Variants in GABRG3 observed in about 807,000 individuals in gnomAD.
GABRG3 encodes the protein gamma-aminobutyric acid type A receptor subunit gamma3.
In GABRG3, 25 loss-of-function variants were observed where a neutral mutation model predicts 48.8. That is an observed-to-expected ratio of 0.51 (90% CI 0.37 to 0.72). GABRG3 has a LOEUF of 0.72. Among genes scored for constraint, GABRG3 ranks in the 30% least tolerant of loss-of-function variants. GABRG3 has a pLI of 0.00. For missense variants in GABRG3, 394 were observed against 577.9 expected (o/e 0.68, Z 3.26); for synonymous variants, 227 against 217.6 (o/e 1.04, Z -0.38).
chr15:27,389,754 C>T (rs1950603958), intron 5 of GABRG3, among the ~76,000 whole-genome samples: 2 of 152,200 alleles, frequency 1.3e-5, no homozygotes, highest in East Asian at 3.8e-4. Flanking sequence ...TGGTAAAATG[C>T]TTAACAAACC....
chr15:27,367,201 C>A (rs1264561996), intron 5 of GABRG3, among the ~76,000 whole-genome samples: 2 of 152,166 alleles, frequency 1.3e-5, no homozygotes, highest in African/African-American at 4.8e-5. Flanking sequence ...CCTCCCCCTA[C>A]AAGGACACCC....
chr15:27,510,423 C>T (rs554499562), intron 6 of GABRG3, among the ~76,000 whole-genome samples: 1 of 152,186 alleles, frequency 6.6e-6, no homozygotes, highest in African/African-American at 2.4e-5. Context: ...CACCATTCCC[C>T]TGTTGCACCA....
chr15:27,409,998 G>T (rs1424695650), intron 5 of GABRG3, among the ~76,000 whole-genome samples: 1 of 152,084 alleles, frequency 6.6e-6, no homozygotes, highest in Non-Finnish European at 1.5e-5. Context: ...TCTTTGCCTT[G>T]GTCCTGATAT....
At chr15:27,039,572 G>A (rs1896239329) in intron 3 of GABRG3, among the ~76,000 whole-genome samples, 2 of 152,210 alleles carry the variant, frequency 1.3e-5, no homozygotes, top group South Asian at 4.1e-4. Context: ...GTGTTATGAA[G>A]ACGCCACAAA....
At chr15:27,125,907 T>C (rs1897811668) in intron 3 of GABRG3, among the ~76,000 whole-genome samples, 1 of 152,240 alleles carries the variant, frequency 6.6e-6, no homozygotes, top group African/African-American at 2.4e-5. Context: ...TGCAGCCAAA[T>C]GCCTCTTAAT....
intron 3 of GABRG3, among the ~76,000 whole-genome samples, chr15:27,155,847 G>A (rs1023952118): frequency 1.8e-4 from 28 of 152,146 alleles, no homozygotes; most frequent in East Asian, 3.9e-4. Flanking sequence ...TGTCTCCCTC[G>A]TCAGCACTCT....
At chr15:27,399,463 A>G (rs1040592433) in intron 5 of GABRG3, among the ~76,000 whole-genome samples, 7 of 152,226 alleles carry the variant, frequency 4.6e-5, no homozygotes. Flanking sequence ...TTACATGGCA[A>G]CGGTTCCTTT....
chr15:27,427,256 C>T (rs1462066282), intron 5 of GABRG3, among the ~76,000 whole-genome samples: 2 of 152,118 alleles, frequency 1.3e-5, no homozygotes, highest in African/African-American at 2.4e-5. Context: ...TTTCTATATA[C>T]ACAATCTTAT....
At chr15:27,393,797 A>G (rs541179603) in intron 5 of GABRG3, among the ~76,000 whole-genome samples, 1 of 152,318 alleles carries the variant, frequency 6.6e-6, no homozygotes, top group South Asian at 2.1e-4. Context: ...TGCCTCTGGC[A>G]AGATGGAATA....
At chr15:27,224,134 G>T (rs1889537754) in intron 3 of GABRG3, among the ~76,000 whole-genome samples, 1 of 152,220 alleles carries the variant, frequency 6.6e-6, no homozygotes, top group Non-Finnish European at 1.5e-5. Flanking sequence ...AACTTCCCGG[G>T]CTGCTCCCTG....
At chr15:27,201,416 A>G (rs999324508) in intron 3 of GABRG3, among the ~76,000 whole-genome samples, 1 of 151,406 alleles carries the variant, frequency 6.6e-6, no homozygotes, top group Non-Finnish European at 1.5e-5. Context: ...GAGAAGAGAA[A>G]GAGAAGAAGA....
At chr15:27,255,473 C>CA (rs1248970142) in intron 3 of GABRG3, among the ~76,000 whole-genome samples, 1 of 152,194 alleles carries the variant, frequency 6.6e-6, no homozygotes, top group Non-Finnish European at 1.5e-5. Context: ...TACTCAGGGA[C>CA]AAAACGGAAC....
At chr15:27,456,939 C>A (rs1263481883) in intron 5 of GABRG3, among the ~76,000 whole-genome samples, 1 of 152,190 alleles carries the variant, frequency 6.6e-6, no homozygotes, top group African/African-American at 2.4e-5. Flanking sequence ...GGAGCCAGCC[C>A]CAAGGCACAG....
chr15:27,532,979 C>T lies in GABRG3; in HGVS notation c.*98C>T, dbSNP rs1891465442. The T allele has an allele frequency of 9.0e-7, 1 of 1,115,138 alleles. No homozygotes were observed. The highest frequency in any genetic ancestry group is 1.5e-5 in the South Asian group (1 of 64,892). The allele number at this position is 1,115,138 out of a possible 1,614,324, so 69.1% of individuals were successfully genotyped here. Reference sequence around the variant, plus strand: ...ACCAATCGGGAGTAGCAAGGAAGGACACTGCCCAGTGTATCTTGTTATAAA... The same window carrying T: ...ACCAATCGGGAGTAGCAAGGAAGGATACTGCCCAGTGTATCTTGTTATAAA... On this transcript the variant is annotated 3_prime_UTR_variant, in exon 10 of 10. Transcript: ENST00000615808.
Position 27,004,437 on chromosome 15 carries a change from G to C in GABRG3, c.203-22317G>C, listed in dbSNP as rs559836508. ...TCACTTCCTAGATGGGATGGCGGCC[G>C]GGCAGAGACGCTCCCCACTTTCCGG... On this transcript the variant is annotated intron_variant, in intron 2 of 9. Coordinates refer to ENST00000615808, the MANE Select transcript of GABRG3 (RefSeq NM_033223.5). 1.8e-4 allele frequency among the ~76,000 whole-genome samples: 27 copies of C among 151,764 alleles called. No individual in the cohort carries two copies. The East Asian group carries it at 5.3e-3, about 30-fold the overall frequency.
At chr15:27,396,088 C>A (rs1022980562) in intron 5 of GABRG3, among the ~76,000 whole-genome samples, 1 of 152,094 alleles carries the variant, frequency 6.6e-6, no homozygotes, top group Non-Finnish European at 1.5e-5. Flanking sequence ...GTCTCGAACC[C>A]CTGGCCCTCA....
intron 5 of GABRG3, among the ~76,000 whole-genome samples, chr15:27,329,180 CT>C (rs1595681143): frequency 6.6e-6 from 1 of 152,318 alleles, no homozygotes; most frequent in East Asian, 1.9e-4. Flanking sequence ...TGCTAATGAG[CT>C]GTGCATACTA....
chr15:27,481,168 A>ATG (rs1198662482), intron 6 of GABRG3: 2 of 1,022,540 alleles, frequency 2.0e-6, no homozygotes. Flanking sequence ...CTGGTGTGAT[A>ATG]TGTCCTTTGA....
In GABRG3 at chr15:27,180,503, G is replaced by A. The variant is rs112499061; in HGVS notation, c.271-146306G>A. Among the ~76,000 whole-genome samples the A allele has an allele frequency of 6.6e-5, 10 of 151,924 alleles. No homozygotes were observed. The highest frequency in any genetic ancestry group is 1.2e-4 in the African/African-American group (5 of 41,422). On this transcript the variant is annotated intron_variant, in intron 3 of 9. Transcript: ENST00000615808. The surrounding 1 kb of genome is among the most constrained non-coding windows in gnomAD (Gnocchi z 4.2). Reference sequence around the variant, plus strand: ...TTCATCACGAAGCACCGACTGCTGCGCTTCCCTCAACAAACCCTGCTCCAC... The same window carrying A: ...TTCATCACGAAGCACCGACTGCTGCACTTCCCTCAACAAACCCTGCTCCAC...
Sources: gnomAD v4.1 joint callset for allele counts (sites outside exome capture counted in the v4.1 genomes callset) on GRCh38, gnomAD v4.1.1 for gene constraint, Gnocchi (gnomAD v3.1) non-coding constraint, MANE v1.5 for transcripts, NCBI Gene and HGNC (gene_info 2026-07-23, HGNC 2026-07-21) for gene names.